Variants in CNTROB observed in about 807,000 individuals in gnomAD.
The protein encoded by CNTROB is centrobin.
CNTROB carries 82 observed loss-of-function variants against 115.7 expected under a neutral mutation model. The observed-to-expected ratio is 0.71, with a 90% confidence interval of 0.59 to 0.85. CNTROB has a LOEUF of 0.85. CNTROB is among the 40% of genes least tolerant of loss of function. The pLI is 0.00. For missense variants in CNTROB, 1,014 were observed against 1,144.4 expected (o/e 0.89, Z 1.64); for synonymous variants, 439 against 456.4 (o/e 0.96, Z 0.49).
rs773633115 is a variant in CNTROB at position 7,937,176 on chromosome 17, C to T, written c.841C>T (p.Leu281=). Residue 281 remains leucine (L), a synonymous_variant, in exon 7 of 19, where the codon CTG becomes TTG. Transcript: ENST00000563694. ...CTCTTCCTGAAAGACAGTAACCCGCCTGGAACAAAGCCTTTCTGAGGCCAT... is the reference window on the plus strand; with the variant it reads ...CTCTTCCTGAAAGACAGTAACCCGCTTGGAACAAAGCCTTTCTGAGGCCAT... ...RSKQQETVTR[L]EQSLSEAMEA... 4 of 1,614,074 alleles carry T rather than the reference C, an allele frequency of 2.5e-6. No homozygotes were observed. The highest frequency in any genetic ancestry group is 3.4e-6 in the Non-Finnish European group (4 of 1,180,034).
rs1413581692 is a variant in CNTROB at position 7,949,371 on chromosome 17, C to T, written c.2587-14C>T. The T allele has an allele frequency of 1.2e-6, 2 of 1,613,308 alleles. No individual in the cohort carries two copies. ...TGACGCTGATTTCTTCCTCTCTCTT[C>T]CCTCAACTCTCAGATTCCCTCCCAG... is the stretch of plus-strand genomic sequence containing the variant. On this transcript the variant is annotated splice_polypyrimidine_tract_variant and intron_variant, in intron 18 of 18. Transcript: ENST00000563694.
At chr17:7,938,074 C>T (rs1312483250) in intron 7 of CNTROB, among the ~76,000 whole-genome samples, 2 of 147,728 alleles carry the variant, frequency 1.4e-5, no homozygotes, top group African/African-American at 2.5e-5. Context: ...ACAATCTCAG[C>T]TCACTGCAGC....
chr17:7,936,202 G>T, intron 4 of CNTROB, 164 bp from the exon 5 acceptor site: 2 of 629,200 alleles, frequency 3.2e-6, no homozygotes, highest in Non-Finnish European at 5.7e-6. Flanking sequence ...GCCTCAAGGT[G>T]CTTGCTTCAG....
At position 7,948,741 on chromosome 17, in the gene CNTROB, T is replaced by C; in HGVS notation, c.2513+122T>C. On this transcript the variant is annotated intron_variant, in intron 17 of 18. Coordinates refer to ENST00000563694, the MANE Select transcript of CNTROB (RefSeq NM_053051.5). The surrounding 1 kb of genome is among the most constrained non-coding windows in gnomAD (Gnocchi z 4.4). The stretch of plus-strand genomic sequence containing the variant: ...CTTTTCTGGGGAGGAAAGTGAAGGA[T>C]GAGAGGTGGATCCACAGATCTTCTC... 1.9e-6 allele frequency: 3 copies of C among 1,604,596 alleles called. No individual in the cohort carries two copies. In the African/African-American group the frequency reaches 4.0e-5, roughly 21 times the overall value.
intron 13 of CNTROB, 52 bp downstream of exon 13, chr17:7,946,038 C>T (rs1974501294): frequency 6.5e-7 from 1 of 1,528,094 alleles, no homozygotes; most frequent in Admixed American, 1.7e-5. Flanking sequence ...TGAATTGGCT[C>T]CCTCTTTCGT....
In CNTROB at chr17:7,944,697, T is replaced by G; in HGVS notation, c.1734+59T>G. The stretch of plus-strand genomic sequence containing the variant: ...TATGTTCTATTTTTATTTTTATTTT[T>G]GAGACAGGGTCTCACTCTTGCCCAG... On this transcript the variant is annotated intron_variant, in intron 12 of 18. Transcript: ENST00000563694. This position sits in a 1 kb window ranked among gnomAD's most constrained non-coding sequence, Gnocchi z 4.0. 1 of 1,541,676 alleles carries G rather than the reference T, an allele frequency of 6.5e-7. No individual in the cohort carries two copies. Among genetic ancestry groups the G allele is most frequent in the South Asian group, 1.2e-5 (1 of 81,630 alleles).
rs201505723 is a variant in CNTROB at position 7,945,811 on chromosome 17, C to A, written c.1818C>A (p.Ala606=). 10 of 1,614,202 alleles carry A rather than the reference C, an allele frequency of 6.2e-6. No individual in the cohort carries two copies. The highest frequency in any genetic ancestry group is 7.6e-6 in the Non-Finnish European group (9 of 1,180,032). ...ERRVWTMPPM[A]VALKPVLQQS... ...GGGTCTGGACTATGCCTCCCATGGC[C>A]GTGGCCCTGAAGCCTGTATTGCAGC... The change falls in exon 13 of 19, where the codon GCC becomes GCA. Residue 606 remains alanine (A), a synonymous_variant. Transcript: ENST00000563694.
Position 7,947,615 on chromosome 17 carries a change from G to T in CNTROB, c.2038G>T (p.Ala680Ser), listed in dbSNP as rs1229352615. ...TGGGGCCTTCCATCCCGATCATAGG[G>T]CAGAAAGGCCATTCCCTGAGGAAGA... is the stretch of plus-strand genomic sequence containing the variant. ...ALGAFHPDHR[A>S]ERPFPEEDPG... The change falls in exon 14 of 19, where the codon GCA (alanine) becomes TCA (serine). Residue 680 changes from alanine (A) to serine (S), a missense_variant. By Grantham distance (99) the Ala-to-Ser change is moderately conservative. Coordinates refer to ENST00000563694, the MANE Select transcript of CNTROB (RefSeq NM_053051.5). The T allele has an allele frequency of 6.2e-7, 1 of 1,613,394 alleles. No individual in the cohort carries two copies. The highest frequency in any genetic ancestry group is 8.5e-7 in the Non-Finnish European group (1 of 1,179,508).
rs368491827 is a variant in CNTROB, at chr17:7,945,722, G to A, written c.1735-6G>A. 129 of 1,613,154 alleles carry A rather than the reference G, an allele frequency of 8.0e-5. No homozygotes were observed. Among genetic ancestry groups the A allele is most frequent in the Non-Finnish European group, 1.1e-4 (124 of 1,179,550 alleles). On this transcript the variant is annotated splice_polypyrimidine_tract_variant and splice_region_variant and intron_variant, in intron 12 of 18. Transcript: ENST00000563694. ...TGACCCTTCTTTCTGCCTCTCTCCT[G>A]GTCAGGCTCCTCCTGCTGGACCCTC...
chr17:7,936,242 A>G (rs1179874493), intron 4 of CNTROB, 124 bp from the exon 5 acceptor site: 2 of 717,790 alleles, frequency 2.8e-6, no homozygotes, highest in East Asian at 2.5e-5. Context: ...CTCCAGACCT[A>G]TTCTGTTCTT....
rs1973656323 is a variant in CNTROB, at chr17:7,939,948, T to G, written c.1165-148T>G. The stretch of plus-strand genomic sequence containing the variant: ...AATGAATACGTGAAAGGCCAAAGAC[T>G]GAAATTCAACAGGGATGGGGAAATA... On this transcript the variant is annotated intron_variant, in intron 8 of 18. Coordinates refer to ENST00000563694, the MANE Select transcript of CNTROB (RefSeq NM_053051.5). This position sits in a 1 kb window ranked among gnomAD's most constrained non-coding sequence, Gnocchi z 4.4. 1 of 1,132,148 alleles carries G rather than the reference T, an allele frequency of 8.8e-7. No individual in the cohort carries two copies. Among genetic ancestry groups the G allele is most frequent in the Admixed American group, 2.3e-5 (1 of 43,852 alleles). The allele number at this position is 1,132,148 out of a possible 1,614,324, so 70.1% of individuals were successfully genotyped here.
Position 7,939,440 on chromosome 17 carries a change from A to C in CNTROB, c.928-73A>C. Reference sequence around the variant, plus strand: ...GCATAATTCTCAGCAGGCACCTTGTATGAGGGTCAGAGGGCAGATCGCTGG... The same window carrying C: ...GCATAATTCTCAGCAGGCACCTTGTCTGAGGGTCAGAGGGCAGATCGCTGG... On this transcript the variant is annotated intron_variant, in intron 7 of 18. Transcript: ENST00000563694. The surrounding 1 kb of genome is among the most constrained non-coding windows in gnomAD (Gnocchi z 4.4). 8.0e-7 allele frequency: 1 copy of C among 1,253,456 alleles called. No homozygotes were observed. Among genetic ancestry groups the C allele is most frequent in the Non-Finnish European group, 1.2e-6 (1 of 867,492 alleles). The allele number at this position is 1,253,456 out of a possible 1,614,324, so 77.6% of individuals were successfully genotyped here.
At chr17:7,934,633 G>C (rs1972926871) in intron 3 of CNTROB, 87 bp downstream of exon 3, 16 of 1,209,750 alleles carry the variant, frequency 1.3e-5, no homozygotes, top group Admixed American at 5.5e-5. Context: ...TATTGCTTTT[G>C]TACCTCTTAA....
chr17:7,946,464 G>T (rs779848733), intron 13 of CNTROB, among the ~76,000 whole-genome samples: 3 of 152,178 alleles, frequency 2.0e-5, no homozygotes, highest in Non-Finnish European at 4.4e-5. Context: ...CATCTGATTG[G>T]ATTGGCTGAC....
In CNTROB at chr17:7,933,121, G is replaced by A; in HGVS notation, c.42G>A (p.Ala14=). The A allele has an allele frequency of 1.9e-6, 3 of 1,614,114 alleles. No homozygotes were observed. The highest frequency in any genetic ancestry group is 1.1e-5 in the South Asian group (1 of 91,072). Residue 14 remains alanine, a synonymous_variant, in exon 1 of 19, where the codon GCG becomes GCA. Transcript: ENST00000563694. ...SADSPSSPLG[A]EDLLSDSSEP... is the part of the protein sequence containing the mutation. ...ACAGCCCCAGTTCACCCCTCGGGGC[G>A]GAGGATCTCCTGAGTGATTCATCAG... is the stretch of plus-strand genomic sequence containing the variant.
chr17:7,941,597 T>C (rs1176407100), intron 9 of CNTROB, among the ~76,000 whole-genome samples: 6 of 47,526 alleles, frequency 1.3e-4, no homozygotes, highest in African/African-American at 9.3e-5. Context: ...AGACTCCATC[T>C]CAAAAAAAAA....
rs1972646947 is a variant in CNTROB, at chr17:7,932,645, G to C, written c.-435G>C. On this transcript the variant is annotated 5_prime_UTR_variant, in exon 1 of 19. Coordinates refer to ENST00000563694, the MANE Select transcript of CNTROB (RefSeq NM_053051.5). ...CTAGTAGGGCAGGGGGACAGAAATT[G>C]GGCTCCTAGTGGATTTGGGTCCGTT... 5.8e-6 allele frequency: 1 copy of C among 171,312 alleles called. No homozygotes were observed. The highest frequency in any genetic ancestry group is 2.4e-5 in the African/African-American group (1 of 41,748). 10.6% of individuals were successfully genotyped at this position (171,312 alleles called of 1,614,324 possible).
rs1972902713 is a variant in CNTROB, at chr17:7,934,466, G to T, written c.357G>T (p.Arg119=). ...MLQTSRDTAY[R]DPLIPGAGSE... is the part of the protein sequence containing the mutation. ...TGGGGTCCCTCTGGCTGCCTGCAGG[G>T]GATCCTCTCATTCCTGGCGCTGGCT... The change falls in exon 3 of 19, where the codon CGG becomes CGT. Residue 119 remains arginine (R), a splice_region_variant and synonymous_variant. Coordinates refer to ENST00000563694, the MANE Select transcript of CNTROB (RefSeq NM_053051.5). The T allele has an allele frequency of 6.2e-7, 1 of 1,613,948 alleles. No individual in the cohort carries two copies. Among genetic ancestry groups the T allele is most frequent in the Non-Finnish European group, 8.5e-7 (1 of 1,179,970 alleles).
chr17:7,939,460 C>A lies in CNTROB; in HGVS notation c.928-53C>A. The A allele has an allele frequency of 1.4e-6, 2 of 1,450,218 alleles. No individual in the cohort carries two copies. Among genetic ancestry groups the A allele is most frequent in the South Asian group, 1.2e-5 (1 of 85,756 alleles). 89.8% of individuals were successfully genotyped at this position (1,450,218 alleles called of 1,614,324 possible). Reference sequence around the variant, plus strand: ...CTTGTATGAGGGTCAGAGGGCAGATCGCTGGTCTCTGAAGAGCCTACTAAG... The same window carrying A: ...CTTGTATGAGGGTCAGAGGGCAGATAGCTGGTCTCTGAAGAGCCTACTAAG... On this transcript the variant is annotated intron_variant, in intron 7 of 18. Coordinates refer to ENST00000563694, the MANE Select transcript of CNTROB (RefSeq NM_053051.5). This position sits in a 1 kb window ranked among gnomAD's most constrained non-coding sequence, Gnocchi z 4.4.
Sources: allele counts gnomAD v4.1 joint callset (sites outside exome capture counted in the v4.1 genomes callset), GRCh38; gene constraint gnomAD v4.1.1; non-coding constraint Gnocchi (gnomAD v3.1); transcripts MANE v1.5; gene names NCBI Gene and HGNC (gene_info 2026-07-23, HGNC 2026-07-21).